Variants in RAD52 observed in about 807,000 individuals in gnomAD.
RAD52 encodes RAD52 DNA repair protein.
A neutral mutation model predicts 55.5 loss-of-function variants in RAD52; 47 were observed. That is an observed-to-expected ratio of 0.85 (90% CI 0.67 to 1.08). The LOEUF (loss-of-function observed/expected upper bound fraction) is 1.08. Ranked by LOEUF, RAD52 falls within the 50% of genes least tolerant of loss-of-function variation. RAD52 has a pLI of 0.00. For synonymous variants in RAD52, 184 were observed against 198.9 expected, an observed-to-expected ratio of 0.92 and a Z score of 0.63; for missense variants, 468 against 522.8, an observed-to-expected ratio of 0.90 and a Z score of 1.02.
At chr12:935,226 GA>G (rs1283676080) in intron 1 of RAD52, among the ~76,000 whole-genome samples, 1 of 152,040 alleles carries the variant, frequency 6.6e-6, no homozygotes, top group Non-Finnish European at 1.5e-5. Flanking sequence ...CACAATCACT[GA>G]AATGCTTTCC....
chr12:914,250 C>G, intron 10 of RAD52, 129 bp from the exon 11 acceptor site: 2 of 1,277,554 alleles, frequency 1.6e-6, no homozygotes, highest in South Asian at 2.9e-5. Flanking sequence ...ATTTCTCTCC[C>G]CTCCCCCTAA....
At chr12:951,430 G>C (rs1958525414), upstream of RAD52, among the ~76,000 whole-genome samples, 1 of 152,158 alleles carries the variant, frequency 6.6e-6, no homozygotes, top group South Asian at 2.1e-4. Context: ...CCCCTTTTTA[G>C]TCGTGTGATC....
chr12:984,417 C>CG (rs1959059335), intron 1 of RAD52, among the ~76,000 whole-genome samples: 1 of 152,056 alleles, frequency 6.6e-6, no homozygotes, highest in African/African-American at 2.4e-5. Flanking sequence ...AGGTTGGTCT[C>CG]GAACTCCTGA....
At chr12:954,710 T>C (rs1958581789) in intron 1 of RAD52, among the ~76,000 whole-genome samples, 1 of 152,174 alleles carries the variant, frequency 6.6e-6, no homozygotes, top group Non-Finnish European at 1.5e-5. Context: ...GTATTTAAAA[T>C]CTCTTTCTGG....
At chr12:946,244 T>C (rs1016892664) in intron 1 of RAD52, among the ~76,000 whole-genome samples, 1 of 152,194 alleles carries the variant, frequency 6.6e-6, no homozygotes, top group African/African-American at 2.4e-5. Context: ...ATATTAAAAA[T>C]GAGTGCCTTG....
At chr12:969,220 G>C (rs762959529) in intron 1 of RAD52, among the ~76,000 whole-genome samples, 3 of 151,858 alleles carry the variant, frequency 2.0e-5, no homozygotes, top group Non-Finnish European at 4.4e-5. Flanking sequence ...GTTTTGAAAG[G>C]GGGTGCTGGA....
intron 1 of RAD52, among the ~76,000 whole-genome samples, chr12:948,336 G>C (rs1565694495): frequency 6.6e-6 from 1 of 152,146 alleles, no homozygotes. Context: ...AAAATGTTCT[G>C]GAATTAGATA....
In RAD52 at chr12:979,311, C is replaced by T. The variant is rs201521518; in HGVS notation, c.-19+10498G>A. Reference sequence around the variant, plus strand: ...AAAGATTTAGCATGGCGTGGTGATACACGCCTCTAATCCCAGCTACTTGGG... The same window carrying T: ...AAAGATTTAGCATGGCGTGGTGATATACGCCTCTAATCCCAGCTACTTGGG... On this transcript the variant is annotated intron_variant, in intron 1 of 11. Coordinates refer to the RAD52 transcript ENST00000430095. 9.9e-5 allele frequency among the ~76,000 whole-genome samples: 15 copies of T among 152,154 alleles called. No individual in the cohort carries two copies. The East Asian group carries it at 2.9e-3, about 29-fold the overall frequency.
chr12:924,105 T>C (rs1304793795), intron 7 of RAD52, among the ~76,000 whole-genome samples: 3 of 145,206 alleles, frequency 2.1e-5, no homozygotes, highest in East Asian at 2.0e-4. Context: ...CTCATAAACA[T>C]AGATGCAAAA....
intron 1 of RAD52, among the ~76,000 whole-genome samples, chr12:944,435 C>T (rs1054850165): frequency 1.3e-5 from 2 of 151,092 alleles, no homozygotes; most frequent in South Asian, 2.1e-4. Context: ...ATCACTTGAG[C>T]GGGGGCGAGG....
intron 1 of RAD52, chr12:974,044 A>C (rs1565711515): frequency 6.6e-6 from 1 of 152,142 alleles, no homozygotes; most frequent in African/African-American, 2.4e-5. Flanking sequence ...GAGAGAGAGG[A>C]AATTAAGGAG....
chr12:946,219 A>T (rs1958221258), intron 1 of RAD52, among the ~76,000 whole-genome samples: 1 of 152,166 alleles, frequency 6.6e-6, no homozygotes, highest in Admixed American at 6.5e-5. Context: ...TCTCCACATC[A>T]AAACTGCCAG....
At chr12:913,817 T>A (rs1956217784) in intron 11 of RAD52, 77 bp downstream of exon 11, 6 of 1,320,594 alleles carry the variant, frequency 4.5e-6, no homozygotes, top group Non-Finnish European at 6.5e-6. Context: ...AAATGAAATG[T>A]CATCCTTCCT....
intron 1 of RAD52, among the ~76,000 whole-genome samples, chr12:934,017 G>A (rs763071687): frequency 8.0e-5 from 12 of 150,630 alleles, no homozygotes; most frequent in South Asian, 2.1e-4. Context: ...TGGGAGGATC[G>A]CTTGAGCTCA....
chr12:957,336 G>A (rs1958620456), intron 1 of RAD52, among the ~76,000 whole-genome samples: 1 of 151,768 alleles, frequency 6.6e-6, no homozygotes, highest in Non-Finnish European at 1.5e-5. Context: ...GGTGGTGGGC[G>A]CCTGTAATCC....
chr12:943,726 T>C (rs1244789792), intron 1 of RAD52, among the ~76,000 whole-genome samples: 1 of 151,870 alleles, frequency 6.6e-6, no homozygotes, highest in African/African-American at 2.4e-5. Flanking sequence ...TTTCTTAGAG[T>C]AGTCTGTGAT....
At chr12:960,870 C>A (rs1958673027) in intron 1 of RAD52, among the ~76,000 whole-genome samples, 1 of 152,012 alleles carries the variant, frequency 6.6e-6, no homozygotes, top group Admixed American at 6.6e-5. Context: ...CAGAGCAGAG[C>A]TAGAAATATA....
chr12:964,482 C>T (rs1474931787), intron 1 of RAD52, among the ~76,000 whole-genome samples: 1 of 151,728 alleles, frequency 6.6e-6, no homozygotes, highest in Non-Finnish European at 1.5e-5. Context: ...GTAGGAGAAT[C>T]ACTTGAACCC....
chr12:935,149 A>G (rs1411376319), intron 1 of RAD52, among the ~76,000 whole-genome samples: 1 of 147,898 alleles, frequency 6.8e-6, no homozygotes, highest in Non-Finnish European at 1.5e-5. Context: ...AAAAACCTCA[A>G]CTTACTGCTC....
Sources: allele counts gnomAD v4.1 joint callset (sites outside exome capture counted in the v4.1 genomes callset), GRCh38; gene constraint gnomAD v4.1.1; transcripts MANE v1.5; gene names NCBI Gene and HGNC (gene_info 2026-07-23, HGNC 2026-07-21).